Variants in ATP11A observed in about 807,000 individuals in gnomAD.
ATP11A encodes ATPase phospholipid transporting 11A, also known as phospholipid-transporting ATPase IH.
Under a neutral mutation model 154.4 loss-of-function variants are expected in ATP11A, and 81 were observed. That is an observed-to-expected ratio of 0.52 (90% CI 0.44 to 0.63). The LOEUF (loss-of-function observed/expected upper bound fraction) is 0.63. ATP11A is among the 30% of genes least tolerant of loss of function. ATP11A has a pLI of 0.00. For synonymous variants in ATP11A, 623 were observed against 585.9 expected, an observed-to-expected ratio of 1.06 and a Z score of -0.91; for missense variants, 1,316 against 1,474.3, an observed-to-expected ratio of 0.89 and a Z score of 1.76.
rs138911098 is a variant in ATP11A at position 112,705,444 on chromosome 13, T to TG, written c.39+14993dup. 6.0e-3 allele frequency among the ~76,000 whole-genome samples: 828 copies of TG among 138,192 alleles called. 8 individuals are homozygous for TG. The highest frequency in any genetic ancestry group is 0.023 in the African/African-American group (652 of 28,356). The allele number at this position is 138,192 out of a possible 152,430, so 90.7% of individuals were successfully genotyped here. ...GCTGCTGTATGCGCTGAAGATTCTG[T>TG]GGGGAGCAAGAGGTACAGGCGCCCC... On this transcript the variant is annotated intron_variant, in intron 1 of 29. Coordinates refer to ENST00000375645, the MANE Select transcript of ATP11A (RefSeq NM_015205.3).
chr13:112,825,555 C>T lies in ATP11A; in HGVS notation c.998C>T (p.Thr333Met), dbSNP rs372167641. ...FRDEPWYNQKTESERQRNLFL... is the reference protein window; with the variant it reads ...FRDEPWYNQKMESERQRNLFL... ...GATGAGCCGTGGTATAATCAGAAAA[C>T]GGAGTCGGAAAGGCAGAGGAATCTG... The change falls in exon 11 of 30, where the codon ACG (threonine) becomes ATG (methionine). Residue 333 changes from threonine to methionine, a missense_variant. Around this residue, in one of 5 missense-constraint regions of ATP11A, gnomAD observed 876 missense variants for 1,006.8 expected, o/e 0.87. Transcript: ENST00000375645. 12 of 1,613,318 alleles carry T rather than the reference C, an allele frequency of 7.4e-6. 1 individual carries two copies. Among genetic ancestry groups the T allele is most frequent in the South Asian group, 6.6e-5 (6 of 91,028 alleles).
chr13:112,882,066 G>A lies in ATP11A; in HGVS notation c.*200G>A, dbSNP rs1377004281. The A allele has an allele frequency of 1.5e-6, 2 of 1,367,498 alleles. No individual in the cohort carries two copies. Among genetic ancestry groups the A allele is most frequent in the South Asian group, 2.3e-5 (2 of 88,052 alleles). The allele number at this position is 1,367,498 out of a possible 1,614,324, so 84.7% of individuals were successfully genotyped here. On this transcript the variant is annotated 3_prime_UTR_variant, in exon 30 of 30. Coordinates refer to ENST00000375645, the MANE Select transcript of ATP11A (RefSeq NM_015205.3). The surrounding 1 kb of genome is among the most constrained non-coding windows in gnomAD (Gnocchi z 5.1). ...TCCCGTGTGGGAATGCTCGTGTGAT[G>A]GATGGTCCTAAGCCTGTGGAGACTG...
intron 18 of ATP11A, among the ~76,000 whole-genome samples, chr13:112,852,729 A>G (rs1239876553): frequency 1.4e-5 from 2 of 140,262 alleles, no homozygotes; most frequent in African/African-American, 5.6e-5. Context: ...GGCGGGGGGC[A>G]GGTTGACTTG....
chr13:112,844,125 C>T (rs980315300), intron 17 of ATP11A, among the ~76,000 whole-genome samples: 1 of 152,172 alleles, frequency 6.6e-6, no homozygotes, highest in African/African-American at 2.4e-5. Flanking sequence ...CGAGGCTGTG[C>T]TTTGCTGTGA....
intron 1 of ATP11A, among the ~76,000 whole-genome samples, chr13:112,737,203 T>TG (rs951497095): frequency 6.6e-6 from 1 of 152,102 alleles, no homozygotes; most frequent in African/African-American, 2.4e-5. Context: ...TGGGCACTCC[T>TG]GGGGGATGGA....
At chr13:112,840,756 G>A (rs1438217176) in intron 16 of ATP11A, among the ~76,000 whole-genome samples, 1 of 151,902 alleles carries the variant, frequency 6.6e-6, no homozygotes, top group Non-Finnish European at 1.5e-5. Context: ...GTGCTTCCTG[G>A]CATCCAGGAA....
intron 16 of ATP11A, among the ~76,000 whole-genome samples, chr13:112,839,423 T>C (rs983421018): frequency 2.6e-5 from 4 of 152,122 alleles, no homozygotes; most frequent in Admixed American, 6.5e-5. Context: ...ACATTTGCTG[T>C]CACGCCTGGC....
intron 1 of ATP11A, among the ~76,000 whole-genome samples, chr13:112,755,968 CAG>C (rs113535241): frequency 7.2e-6 from 1 of 139,652 alleles, no homozygotes; most frequent in Non-Finnish European, 1.6e-5. Context: ...AAGCGGCACT[CAG>C]AGCGGCTCCC....
In ATP11A at chr13:112,790,676, T is replaced by G. The variant is rs537686828; in HGVS notation, c.162+5419T>G. On this transcript the variant is annotated intron_variant, in intron 2 of 29. Transcript: ENST00000375645. Reference sequence around the variant, plus strand: ...GTGTAGACCCCTGCGATAGACCTCCTTAATCCACACCGGGTGTCCTGATGT... The same window carrying G: ...GTGTAGACCCCTGCGATAGACCTCCGTAATCCACACCGGGTGTCCTGATGT... Among the ~76,000 whole-genome samples the G allele has an allele frequency of 3.9e-5, 6 of 152,190 alleles. No homozygotes were observed. The South Asian group carries it at 1.2e-3, about 32-fold the overall frequency.
At chr13:112,824,453 CAACTTAAA>C (rs1241644545) in intron 10 of ATP11A, 28 bp downstream of exon 10, 1 of 1,603,880 alleles carries the variant, frequency 6.2e-7, no homozygotes, top group Non-Finnish European at 8.5e-7. Flanking sequence ...TGAGAACCTG[CAACTTAAA>C]AGTGTCATTA....
chr13:112,724,316 A>T (rs867300262), intron 1 of ATP11A, among the ~76,000 whole-genome samples: 3 of 150,782 alleles, frequency 2.0e-5, no homozygotes, highest in African/African-American at 7.3e-5. Context: ...GACCACCTAC[A>T]CTTCTGAGCA....
intron 1 of ATP11A, among the ~76,000 whole-genome samples, chr13:112,774,893 C>A (rs1381723431): frequency 6.6e-6 from 1 of 151,462 alleles, no homozygotes; most frequent in East Asian, 2.0e-4. Context: ...CGTTGGCGTG[C>A]GAGGCTGTGT....
Position 112,785,177 on chromosome 13 carries a change from G to A in ATP11A, c.82G>A (p.Val28Met), listed in dbSNP as rs374875666. ...TTGGGTGGACAGCAGGACCATCTAC[G>A]TGGGACACAGGGAGCCACCTCCGGG... ...ENWVDSRTIY[V>M]GHREPPPGAE... The change falls in exon 2 of 30, where the codon GTG becomes ATG. Residue 28 changes from valine to methionine, a missense_variant. Physicochemically the swap from Val to Met is conservative, Grantham distance 21 (BLOSUM62 1). Around this residue, in one of 5 missense-constraint regions of ATP11A, gnomAD observed 123 missense variants for 113.7 expected, o/e 1.08. Transcript: ENST00000375645. This position sits in a 1 kb window ranked among gnomAD's most constrained non-coding sequence, Gnocchi z 4.8. The A allele has an allele frequency of 2.5e-6, 4 of 1,577,300 alleles. No homozygotes were observed. The highest frequency in any genetic ancestry group is 1.2e-5 in the South Asian group (1 of 86,218).
chr13:112,778,439 T>C (rs950893292), intron 1 of ATP11A, among the ~76,000 whole-genome samples: 2 of 152,228 alleles, frequency 1.3e-5, no homozygotes, highest in African/African-American at 4.8e-5. Flanking sequence ...AGAAATACAT[T>C]CTAAGTTGAG....
At chr13:112,804,648 G>A (rs912056173) in intron 2 of ATP11A, among the ~76,000 whole-genome samples, 1 of 151,164 alleles carries the variant, frequency 6.6e-6, no homozygotes, top group African/African-American at 2.4e-5. Flanking sequence ...AAATGCTAAT[G>A]TGTTGAGTTA....
chr13:112,723,776 T>C (rs1231134883), intron 1 of ATP11A, among the ~76,000 whole-genome samples: 5 of 152,062 alleles, frequency 3.3e-5, no homozygotes, highest in African/African-American at 1.2e-4. Context: ...ATTTTTAGTT[T>C]GCAAGTTGAA....
At chr13:112,762,483 G>A (rs886616595) in intron 1 of ATP11A, among the ~76,000 whole-genome samples, 1 of 152,084 alleles carries the variant, frequency 6.6e-6, no homozygotes, top group Non-Finnish European at 1.5e-5. Context: ...CTTGTTGACA[G>A]GAGGTGTCTT....
chr13:112,825,539 TG>T lies in ATP11A; in HGVS notation c.984del (p.Trp328CysfsTer69), dbSNP rs745435445. On this transcript the variant is annotated frameshift_variant, in exon 11 of 30. Transcript: ENST00000375645. LOFTEE classifies it high-confidence loss of function. ...GAGTGAGCCCTTTCGGGATGAGCCG[TG>T]GTATAATCAGAAAACGGAGTCGGAA... Reference protein sequence around the residue: ...WQSEPFRDEPWYNQKTESERQ... With the variant: ...WQSEPFRDEPXYNQKTESERQ... The T allele has an allele frequency of 6.2e-7, 1 of 1,613,764 alleles. No individual in the cohort carries two copies. The highest frequency in any genetic ancestry group is 1.1e-5 in the South Asian group (1 of 91,036).
chr13:112,748,328 A>G (rs979450116), intron 1 of ATP11A, among the ~76,000 whole-genome samples: 1 of 152,218 alleles, frequency 6.6e-6, no homozygotes, highest in Non-Finnish European at 1.5e-5. Flanking sequence ...TAGTAGATAT[A>G]TTTATTCTGA....
Sources: gnomAD v4.1 joint callset for allele counts (sites outside exome capture counted in the v4.1 genomes callset) on GRCh38, gnomAD v4.1.1 for gene constraint, gnomAD v4.1.1 regional missense constraint, Gnocchi (gnomAD v3.1) non-coding constraint, MANE v1.5 for transcripts, NCBI Gene and HGNC (gene_info 2026-07-23, HGNC 2026-07-21) for gene names.